Variants in CAPN12 observed in about 807,000 individuals in gnomAD.
The protein encoded by CAPN12 is calpain 12.
Under a neutral mutation model 95.0 loss-of-function variants are expected in CAPN12, and 107 were observed. The observed-to-expected ratio is 1.13, with a 90% confidence interval of 0.96 to 1.32. The LOEUF (loss-of-function observed/expected upper bound fraction) is 1.32. CAPN12 is among the 40% of genes most tolerant of loss of function. The pLI is 0.00. For synonymous variants in CAPN12, 505 were observed against 415.5 expected (o/e 1.22, Z -2.62); for missense variants, 1,136 against 997.8 (o/e 1.14, Z -1.87).
rs548311294 is a variant in CAPN12 at position 38,744,217 on chromosome 19, C to T, written c.-52G>A. 1.8e-5 allele frequency: 28 copies of T among 1,548,310 alleles called. No homozygotes were observed. Among genetic ancestry groups the T allele is most frequent in the Admixed American group, 1.5e-4 (9 of 59,858 alleles). On this transcript the variant is annotated 5_prime_UTR_variant, in exon 1 of 21. In the 5' UTR this introduces an upstream ATG that the reference lacks. Transcript: ENST00000328867. ...CCAGGCCCTTTAACCTCCTGAGTCA[C>T]GGGGGCGGGGCCTCTCTTCCATTGG... is the stretch of plus-strand genomic sequence containing the variant.
rs201752001 is a variant in CAPN12 at position 38,741,823 on chromosome 19, G to C, written c.514C>G (p.Gln172Glu). ...EGKLMFVRSEQRNEFWAPLLE... is the reference protein window; with the variant it reads ...EGKLMFVRSEERNEFWAPLLE... ...AGTGGGGCCCAGAACTCATTCCGCT[G>C]TTCCGAGCGCACGAACATCAGCTTC... Residue 172 changes from glutamine to glutamate, a missense_variant, in exon 4 of 21, where the codon CAG becomes GAG. By Grantham distance (29) the Gln-to-Glu change is conservative. Transcript: ENST00000328867. 3.1e-6 allele frequency: 5 copies of C among 1,614,124 alleles called. No homozygotes were observed. Among genetic ancestry groups the C allele is most frequent in the Non-Finnish European group, 4.2e-6 (5 of 1,180,046 alleles).
chr19:38,731,340 T>G, intron 18 of CAPN12, 117 bp from the exon 19 acceptor site: 2 of 759,670 alleles, frequency 2.6e-6, no homozygotes, highest in Non-Finnish European at 4.6e-6. Flanking sequence ...ACCCCAACTC[T>G]GCCCCATCCC....
intron 8 of CAPN12, 95 bp downstream of exon 8, chr19:38,738,178 C>T (rs1970329439): frequency 7.8e-7 from 1 of 1,274,792 alleles, no homozygotes. Flanking sequence ...ACAGTTTCTC[C>T]CTATTAGGAC....
chr19:38,743,035 A>G lies in CAPN12; in HGVS notation c.305T>C (p.Leu102Pro). The G allele has an allele frequency of 6.2e-7, 1 of 1,613,874 alleles. No homozygotes were observed. Among genetic ancestry groups the G allele is most frequent in the Non-Finnish European group, 8.5e-7 (1 of 1,179,884 alleles). Residue 102 changes from leucine (L) to proline (P), a missense_variant and splice_region_variant, in exon 2 of 21, where the codon CTG (leucine) becomes CCG (proline). By Grantham distance (98) the Leu-to-Pro change is moderately conservative. Coordinates refer to ENST00000328867, the MANE Select transcript of CAPN12 (RefSeq NM_144691.4). Reference protein sequence around the residue: ...MSRTDVCQGSLGNCWFLAAAA... With the variant: ...MSRTDVCQGSPGNCWFLAAAA... The stretch of plus-strand genomic sequence containing the variant: ...TCCAGGTGGGTTCAGGGTCTCACCC[A>G]GGCTCCCCTGACACACGTCTGTGCG...
rs1052256898 is a variant in CAPN12 at position 38,742,260 on chromosome 19, C to T, written c.426+150G>A. The stretch of plus-strand genomic sequence containing the variant: ...GAATTGCTTGAACCTGGGGGCGGGG[C>T]GAAGGTTGCAGTGAGCCGAGATTGT... On this transcript the variant is annotated intron_variant, in intron 3 of 20. Coordinates refer to ENST00000328867, the MANE Select transcript of CAPN12 (RefSeq NM_144691.4). The T allele has an allele frequency of 9.9e-5, 67 of 679,176 alleles. 1 individual carries two copies. The East Asian group carries it at 1.6e-3, about 17-fold the overall frequency. The allele number at this position is 679,176 out of a possible 1,614,324, so 42.1% of individuals were successfully genotyped here.
intron 5 of CAPN12, chr19:38,738,901 G>C (rs1040395021): frequency 5.6e-6 from 3 of 538,992 alleles, no homozygotes. Context: ...GGAGGTCGAG[G>C]TGGAAGGACT....
At chr19:38,740,927 G>A (rs988839120) in intron 4 of CAPN12, among the ~76,000 whole-genome samples, 3 of 152,126 alleles carry the variant, frequency 2.0e-5, no homozygotes, top group Non-Finnish European at 2.9e-5. Context: ...TGGGAGAGCT[G>A]TGTTAGAATT....
At chr19:38,736,930 T>G (rs1167300212) in intron 10 of CAPN12, 2 of 75,472 alleles carry the variant, frequency 2.6e-5, no homozygotes, top group African/African-American at 2.0e-4. Flanking sequence ...CCTACTCCCC[T>G]CCCAGCGCCG....
rs1970761883 is a variant in CAPN12, at chr19:38,744,312, G to A, written c.-147C>T. ...ATATTAATTGATGGTTTGGGGTGCT[G>A]GGGAGCAGGGACGCCTCTTCAGTAG... On this transcript the variant is annotated 5_prime_UTR_variant, in exon 1 of 21. Coordinates refer to ENST00000328867, the MANE Select transcript of CAPN12 (RefSeq NM_144691.4). The A allele has an allele frequency of 2.6e-6, 2 of 772,744 alleles. No individual in the cohort carries two copies. The highest frequency in any genetic ancestry group is 1.7e-5 in the South Asian group (1 of 59,622). The allele number at this position is 772,744 out of a possible 1,614,324, so 47.9% of individuals were successfully genotyped here.
chr19:38,732,588 G>A (rs936392662), intron 18 of CAPN12, among the ~76,000 whole-genome samples: 8 of 152,308 alleles, frequency 5.3e-5, no homozygotes, highest in East Asian at 1.9e-4. Flanking sequence ...CAATCTGCCT[G>A]CCTTAGCCTC....
chr19:38,733,943 G>A (rs1969820286), intron 17 of CAPN12, 162 bp from the exon 18 acceptor site: 3 of 794,370 alleles, frequency 3.8e-6, no homozygotes, highest in Admixed American at 5.2e-5. Flanking sequence ...TTCCCAATCT[G>A]TAAAATGGGA....
intron 8 of CAPN12, among the ~76,000 whole-genome samples, chr19:38,737,929 C>T (rs911699233): frequency 6.6e-6 from 1 of 152,098 alleles, no homozygotes; most frequent in Non-Finnish European, 1.5e-5. Context: ...CCAACAAGTA[C>T]CCTTCAGCCC....
Position 38,742,416 on chromosome 19 carries a change from G to A in CAPN12, c.420C>T (p.His140=), listed in dbSNP as rs753496619. Residue 140 remains histidine, a synonymous_variant, in exon 3 of 21, where the codon CAC becomes CAT. Transcript: ENST00000328867. The part of the protein sequence containing the change: ...DFQHGYAGVF[H]FQLWQFGRWM... ...CAGAGGAACTGAGCTGTACCTGGAAGTGGAAGACGCCTGCGTAGCCATGCT... is the reference window on the plus strand; with the variant it reads ...CAGAGGAACTGAGCTGTACCTGGAAATGGAAGACGCCTGCGTAGCCATGCT... 1 of 1,611,498 alleles carries A rather than the reference G, an allele frequency of 6.2e-7. No homozygotes were observed. Among genetic ancestry groups the A allele is most frequent in the South Asian group, 1.1e-5 (1 of 91,018 alleles).
chr19:38,744,396 GGCCAGCA>G lies in CAPN12; in HGVS notation c.-238_-232del. Reference sequence around the variant, plus strand: ...GCCAAGGTAGCAGCTTAATGGGCTTGGCCAGCAGCAGGAGAGAAGGCGGGCAGAGCTG... The same window carrying G: ...GCCAAGGTAGCAGCTTAATGGGCTTGGCAGGAGAGAAGGCGGGCAGAGCTG... On this transcript the variant is annotated 5_prime_UTR_variant, in exon 1 of 21. Transcript: ENST00000328867. 1 of 583,760 alleles carries G rather than the reference GGCCAGCA, an allele frequency of 1.7e-6. No individual in the cohort carries two copies. The highest frequency in any genetic ancestry group is 3.1e-6 in the Non-Finnish European group (1 of 327,738). The allele number at this position is 583,760 out of a possible 1,614,324, so 36.2% of individuals were successfully genotyped here. A position where few individuals can be genotyped will look rare whatever the true frequency, so the allele number is the denominator to read the frequency against.
chr19:38,731,277 T>C lies in CAPN12; in HGVS notation c.1958-54A>G, dbSNP rs1338659184. ...GGCCCACAGGGAACCCACCTTGGCATTGCATCCCCACCCCACCTCCTCAGG... is the reference window on the plus strand; with the variant it reads ...GGCCCACAGGGAACCCACCTTGGCACTGCATCCCCACCCCACCTCCTCAGG... On this transcript the variant is annotated intron_variant, in intron 18 of 20. Coordinates refer to ENST00000328867, the MANE Select transcript of CAPN12 (RefSeq NM_144691.4). The C allele has an allele frequency of 7.3e-6, 10 of 1,375,876 alleles. No homozygotes were observed. The African/African-American group carries it at 1.0e-4, about 14-fold the overall frequency. The allele number at this position is 1,375,876 out of a possible 1,614,324, so 85.2% of individuals were successfully genotyped here.
chr19:38,732,193 T>A lies in CAPN12; in HGVS notation c.1958-970A>T, dbSNP rs143134185. 2.4e-3 allele frequency among the ~76,000 whole-genome samples: 366 copies of A among 152,358 alleles called. 2 individuals carry two copies. Among genetic ancestry groups the A allele is most frequent in the African/African-American group, 8.4e-3 (348 of 41,586 alleles). On this transcript the variant is annotated intron_variant, in intron 18 of 20. Transcript: ENST00000328867. Reference sequence around the variant, plus strand: ...GGTGCCAGATGCGTGAACACAAGCCTGCCACCTGCCACCTGCTGTGAGTCC... The same window carrying A: ...GGTGCCAGATGCGTGAACACAAGCCAGCCACCTGCCACCTGCTGTGAGTCC...
chr19:38,737,191 G>A lies in CAPN12; in HGVS notation c.1327C>T (p.Leu443Phe), dbSNP rs1161171842. ...RNRRRLRAKGLTYLTVGFHVF... is the reference protein window; with the variant it reads ...RNRRRLRAKGFTYLTVGFHVF... ...TGGAAGCCAACGGTGAGGTAAGTGA[G>A]GCCCTTGGCTCTCAGGCGCCGCCGG... The change falls in exon 10 of 21, where the codon CTC (leucine) becomes TTC (phenylalanine). Residue 443 changes from leucine (L) to phenylalanine (F), a missense_variant. By Grantham distance (22) the Leu-to-Phe change is conservative. Coordinates refer to ENST00000328867, the MANE Select transcript of CAPN12 (RefSeq NM_144691.4). The A allele has an allele frequency of 6.5e-7, 1 of 1,548,940 alleles. No homozygotes were observed. The highest frequency in any genetic ancestry group is 8.7e-7 in the Non-Finnish European group (1 of 1,147,392).
At chr19:38,738,941 G>A (rs569039131) in intron 5 of CAPN12, 8 of 477,312 alleles carry the variant, frequency 1.7e-5, no homozygotes, top group Non-Finnish European at 3.0e-5. Flanking sequence ...AGACCAGCCT[G>A]GGCAACATAG....
At chr19:38,731,417 AAGAC>A in intron 18 of CAPN12, 194 bp from the exon 19 acceptor site, 1 of 614,098 alleles carries the variant, frequency 1.6e-6, no homozygotes, top group Non-Finnish European at 3.0e-6. Context: ...CAAACGGACT[AAGAC>A]AGCCCCGACC....
Sources: allele counts gnomAD v4.1 joint callset (sites outside exome capture counted in the v4.1 genomes callset), GRCh38; gene constraint gnomAD v4.1.1; transcripts MANE v1.5; gene names NCBI Gene and HGNC (gene_info 2026-07-23, HGNC 2026-07-21).